The following CDH18 variants were observed in gnomAD, a reference collection of about 807,000 sequenced individuals.
The protein encoded by CDH18 is cadherin 18.
CDH18 carries 31 observed loss-of-function variants against 67.9 expected under a neutral mutation model. The ratio of observed to expected loss-of-function variants is 0.46; its 90% CI spans 0.34 to 0.62. CDH18 has a LOEUF of 0.62. CDH18 is among the 20% of genes least tolerant of loss of function. CDH18 has a pLI of 0.01. For missense variants in CDH18, 890 were observed against 975.5 expected (o/e 0.91, Z 1.17); for synonymous variants, 362 against 347.2 (o/e 1.04, Z -0.48).
intron 1 of CDH18, among the ~76,000 whole-genome samples, chr5:19,987,207 A>C (rs1799652197): frequency 6.6e-6 from 1 of 151,722 alleles, no homozygotes; most frequent in South Asian, 2.1e-4. Flanking sequence ...CTATTTTTTC[A>C]CCTGTTACAT....
At chr5:19,825,477 CTGGG>C (rs1364097001) in intron 3 of CDH18, among the ~76,000 whole-genome samples, 1 of 152,086 alleles carries the variant, frequency 6.6e-6, no homozygotes, top group East Asian at 1.9e-4. Flanking sequence ...CCATGTTCCC[CTGGG>C]AAGCACTGGA....
chr5:20,537,323 G>A (rs886586583), intron 1 of CDH18, among the ~76,000 whole-genome samples: 3 of 151,966 alleles, frequency 2.0e-5, no homozygotes, highest in African/African-American at 7.2e-5. Flanking sequence ...ATAAAATAAT[G>A]ATCATCACAC....
intron 1 of CDH18, among the ~76,000 whole-genome samples, chr5:20,300,217 C>G (rs962455834): frequency 3.0e-4 from 45 of 151,978 alleles, no homozygotes; most frequent in African/African-American, 1.1e-3. Flanking sequence ...CTGATTCTCC[C>G]CAATTTTGCT....
chr5:20,164,821 T>C (rs976589578), intron 2 of CDH18, among the ~76,000 whole-genome samples: 1 of 152,320 alleles, frequency 6.6e-6, no homozygotes, highest in East Asian at 1.9e-4. Context: ...AGACTTTTCT[T>C]GTAAATTGAA....
intron 2 of CDH18, among the ~76,000 whole-genome samples, chr5:20,091,003 T>C (rs933771981): frequency 2.6e-5 from 4 of 151,298 alleles, no homozygotes; most frequent in African/African-American, 7.3e-5. Flanking sequence ...TGAGCTGAGA[T>C]TGCACCACTG....
At chr5:19,662,655 C>T (rs2387970) in intron 5 of CDH18, among the ~76,000 whole-genome samples, 27,735 of 151,908 alleles carry the variant, frequency 0.18, 2,984 homozygotes, top group East Asian at 0.39. Context: ...CCACAAACCA[C>T]ATATGTGCAG....
intron 5 of CDH18, among the ~76,000 whole-genome samples, chr5:19,693,375 T>G (rs577330176): frequency 6.6e-6 from 1 of 152,184 alleles, no homozygotes; most frequent in Non-Finnish European, 1.5e-5. Flanking sequence ...TTGAAGAGTT[T>G]AAAAAATTCA....
chr5:20,203,647 TAA>T (rs202008328), intron 2 of CDH18, among the ~76,000 whole-genome samples: 5 of 127,398 alleles, frequency 3.9e-5, no homozygotes, highest in Admixed American at 7.7e-5. Flanking sequence ...ATGTATACAA[TAA>T]AAAAAAAAAG....
rs922097290 is a variant in CDH18 at position 20,295,726 on chromosome 5, C to CA, written c.-579-40222dup. ...TCGGCGACAGGTCGAGACTCTGTCT[C>CA]AAAAAAAAAAAAATTCTAAGAAAGC... is the stretch of plus-strand genomic sequence containing the variant. On this transcript the variant is annotated intron_variant, in intron 1 of 14. Transcript: ENST00000507958. Among the ~76,000 whole-genome samples the CA allele has an allele frequency of 2.5e-3, 299 of 121,824 alleles. 1 individual carries two copies. The highest frequency in any genetic ancestry group is 6.1e-3 in the African/African-American group (199 of 32,720). 79.9% of individuals were successfully genotyped at this position (121,824 alleles called of 152,430 possible). A position where few individuals can be genotyped will look rare whatever the true frequency, so the allele number is the denominator to read the frequency against.
chr5:20,408,997 A>G (rs138386434), intron 1 of CDH18, among the ~76,000 whole-genome samples: 1,798 of 152,022 alleles, frequency 0.012, 25 homozygotes, highest in African/African-American at 0.041. Flanking sequence ...TTACATAATG[A>G]TAAAAGAATA....
At chr5:20,569,145 C>T (rs1053225858) in intron 1 of CDH18, among the ~76,000 whole-genome samples, 5 of 152,248 alleles carry the variant, frequency 3.3e-5, no homozygotes, top group South Asian at 4.1e-4. Flanking sequence ...GGCTACGAGT[C>T]GTGTACATAC....
intron 11 of CDH18, among the ~76,000 whole-genome samples, chr5:19,500,153 C>A (rs1388027705): frequency 6.6e-6 from 1 of 151,798 alleles, no homozygotes; most frequent in African/African-American, 2.4e-5. Flanking sequence ...CAAGACCCTG[C>A]AGTCCAGCAT....
Position 19,669,908 on chromosome 5 carries a change from A to T in CDH18, c.643+51439T>A, listed in dbSNP as rs183947987. Among the ~76,000 whole-genome samples the T allele has an allele frequency of 1.6e-4, 25 of 152,276 alleles. No homozygotes were observed. The East Asian group carries it at 4.5e-3, about 27-fold the overall frequency. ...AACAGAATCAAATTTTATGTTATAG[A>T]TCTTAACATCTAGTGGGGATGTGAG... is the stretch of plus-strand genomic sequence containing the variant. On this transcript the variant is annotated intron_variant, in intron 5 of 12. Coordinates refer to ENST00000382275, the MANE Select transcript of CDH18 (RefSeq NM_004934.5).
Position 19,736,001 on chromosome 5 carries a change from T to G in CDH18, c.523+10941A>C, listed in dbSNP as rs555321014. Among the ~76,000 whole-genome samples the G allele has an allele frequency of 2.6e-5, 4 of 152,302 alleles. No homozygotes were observed. In the East Asian group the frequency reaches 7.7e-4, roughly 29 times the overall value. ...ATTGGAGGAAAGAATTAAAAGAATT[T>G]TAGAAATAATTGGATGAGACATTTA... On this transcript the variant is annotated intron_variant, in intron 4 of 12. Transcript: ENST00000382275.
chr5:20,329,770 A>AAC (rs1482852946), intron 1 of CDH18, among the ~76,000 whole-genome samples: 10 of 113,010 alleles, frequency 8.8e-5, no homozygotes, highest in Admixed American at 1.5e-4. Context: ...AACTCCATCA[A>AAC]AAAAAAAAAA....
chr5:20,069,164 T>A (rs989687738), intron 2 of CDH18, among the ~76,000 whole-genome samples: 7 of 151,968 alleles, frequency 4.6e-5, no homozygotes, highest in African/African-American at 1.7e-4. Flanking sequence ...GGAATGAGAA[T>A]CCTTATATTT....
chr5:19,991,267 G>A (rs2150385208), upstream of CDH18, among the ~76,000 whole-genome samples: 1 of 152,226 alleles, frequency 6.6e-6, no homozygotes, highest in South Asian at 2.1e-4. Flanking sequence ...TTATAATTCA[G>A]TTTTTAGAGC....
At chr5:20,537,950 T>G (rs1756822477) in intron 1 of CDH18, among the ~76,000 whole-genome samples, 1 of 152,248 alleles carries the variant, frequency 6.6e-6, no homozygotes, top group East Asian at 1.9e-4. Flanking sequence ...AATTTTAAAT[T>G]TATAGGTATT....
At chr5:19,949,567 C>CAGTCTGGAAATAGAATATTCAAAGACA (rs1795591212) in intron 2 of CDH18, among the ~76,000 whole-genome samples, 2 of 152,126 alleles carry the variant, frequency 1.3e-5, no homozygotes, top group Non-Finnish European at 2.9e-5. Context: ...TTGAGAATGT[C>CAGTCTGGAAATAGAATATTCAAAGACA]AGTCTGGAAA....
Sources: allele counts gnomAD v4.1 joint callset (sites outside exome capture counted in the v4.1 genomes callset), GRCh38; gene constraint gnomAD v4.1.1; transcripts MANE v1.5; gene names NCBI Gene and HGNC (gene_info 2026-07-23, HGNC 2026-07-21).